The following UBE2G1 variants were observed in gnomAD, a reference collection of about 807,000 sequenced individuals.
UBE2G1 encodes the protein ubiquitin conjugating enzyme E2 G1, also known as ubiquitin-conjugating enzyme E2 G1.
A neutral mutation model predicts 22.7 loss-of-function variants in UBE2G1; 5 were observed. The ratio of observed to expected loss-of-function variants is 0.22; its 90% CI spans 0.12 to 0.46. The LOEUF (loss-of-function observed/expected upper bound fraction) is 0.46, where lower values mean the gene tolerates loss of function less well. Among genes scored for constraint, UBE2G1 ranks in the 20% least tolerant of loss-of-function variants. The probability of loss-of-function intolerance (pLI) is 0.99; values close to 1 mark genes in which losing one functional copy is unlikely to be tolerated. For synonymous variants in UBE2G1, 74 were observed against 67.5 expected (o/e 1.10, Z -0.47); for missense variants, 88 against 203.9 (o/e 0.43, Z 3.46).
At chr17:4,297,367 T>A (rs559721306) in intron 2 of UBE2G1, among the ~76,000 whole-genome samples, 7 of 152,224 alleles carry the variant, frequency 4.6e-5, no homozygotes, top group African/African-American at 1.7e-4. Flanking sequence ...GCAAAAAAAA[T>A]CTCAAGAGTG....
intron 1 of UBE2G1, among the ~76,000 whole-genome samples, chr17:4,309,502 G>A (rs1416615380): frequency 6.6e-6 from 1 of 152,220 alleles, no homozygotes; most frequent in East Asian, 1.9e-4. Flanking sequence ...CATTTTCACT[G>A]TTATTTTGTT....
In UBE2G1 at chr17:4,344,048, T is replaced by C. The variant is rs561519530; in HGVS notation, c.46+22223A>G. ...AAAAACAGGCAAACAAATACAATGG[T>C]ACTCCAACAGGCTTCTAAAACAGCA... On this transcript the variant is annotated intron_variant, in intron 1 of 5. Coordinates refer to ENST00000396981, the MANE Select transcript of UBE2G1 (RefSeq NM_003342.5). 2.6e-5 allele frequency among the ~76,000 whole-genome samples: 4 copies of C among 152,228 alleles called. No individual in the cohort carries two copies. The East Asian group carries it at 7.7e-4, about 29-fold the overall frequency.
At chr17:4,313,138 A>G (rs569698984) in intron 1 of UBE2G1, among the ~76,000 whole-genome samples, 95 of 152,346 alleles carry the variant, frequency 6.2e-4, no homozygotes, top group African/African-American at 2.2e-3. Flanking sequence ...ACAGATATAA[A>G]CAAAGAGGTA....
intron 5 of UBE2G1, among the ~76,000 whole-genome samples, chr17:4,278,349 T>A (rs1968845383): frequency 6.6e-6 from 1 of 152,238 alleles, no homozygotes; most frequent in African/African-American, 2.4e-5. Flanking sequence ...GTGCCCAGTC[T>A]TTTGGCTTCT....
At chr17:4,281,668 T>C (rs562198331) in intron 5 of UBE2G1, among the ~76,000 whole-genome samples, 1 of 152,220 alleles carries the variant, frequency 6.6e-6, no homozygotes, top group Non-Finnish European at 1.5e-5. Flanking sequence ...ACTATTCCGT[T>C]TTCAGAGACA....
intron 2 of UBE2G1, chr17:4,302,413 G>T: frequency 2.0e-6 from 1 of 506,888 alleles, no homozygotes; most frequent in Non-Finnish European, 4.0e-6. Flanking sequence ...GCTTGCCTGT[G>T]CATTTTGGCC....
At position 4,269,983 on chromosome 17, in the gene UBE2G1, C is replaced by G. The variant is rs1471618754; in HGVS notation, c.*2571G>C. On this transcript the variant is annotated 3_prime_UTR_variant, in exon 6 of 6. Coordinates refer to ENST00000396981, the MANE Select transcript of UBE2G1 (RefSeq NM_003342.5). The stretch of plus-strand genomic sequence containing the variant: ...TTAAATTTACATTATCAGATGAACA[C>G]TGAGAAAGGCACAGATGACATCTCC... 2.6e-5 allele frequency: 4 copies of G among 152,548 alleles called. No homozygotes were observed. The highest frequency in any genetic ancestry group is 9.7e-5 in the African/African-American group (4 of 41,408). The allele number at this position is 152,548 out of a possible 1,614,324, so 9.4% of individuals were successfully genotyped here. A position where few individuals can be genotyped will look rare whatever the true frequency, so the allele number is the denominator to read the frequency against.
chr17:4,355,463 G>A (rs1389963983), intron 1 of UBE2G1, among the ~76,000 whole-genome samples: 1 of 147,926 alleles, frequency 6.8e-6, no homozygotes, highest in Non-Finnish European at 1.5e-5. Context: ...CCAGCATGGT[G>A]AAACAACATT....
intron 1 of UBE2G1, among the ~76,000 whole-genome samples, chr17:4,365,331 C>T (rs1394644727): frequency 6.6e-6 from 1 of 152,234 alleles, no homozygotes; most frequent in Non-Finnish European, 1.5e-5. Context: ...CCTTCCACTC[C>T]GCACACGGAC....
chr17:4,294,041 T>C (rs1210889743), intron 3 of UBE2G1, among the ~76,000 whole-genome samples: 1 of 152,180 alleles, frequency 6.6e-6, no homozygotes, highest in Non-Finnish European at 1.5e-5. Flanking sequence ...CATGACAATA[T>C]GTACAGCTTT....
intron 2 of UBE2G1, among the ~76,000 whole-genome samples, chr17:4,304,839 A>T (rs1010174628): frequency 6.6e-6 from 1 of 152,074 alleles, no homozygotes; most frequent in African/African-American, 2.4e-5. Flanking sequence ...TAAGGTGTAT[A>T]TATTCACTTC....
intron 5 of UBE2G1, among the ~76,000 whole-genome samples, chr17:4,275,874 A>G (rs1176244852): frequency 6.6e-6 from 1 of 152,004 alleles, no homozygotes; most frequent in East Asian, 1.9e-4. Context: ...TTTCCCCCAC[A>G]CTGGGACCGT....
intron 2 of UBE2G1, among the ~76,000 whole-genome samples, chr17:4,297,237 G>A (rs896365070): frequency 5.9e-5 from 9 of 151,994 alleles, no homozygotes; most frequent in Non-Finnish European, 1.2e-4. Context: ...CAAAACTTAT[G>A]GACATTTTCT....
In UBE2G1 at chr17:4,366,355, G is replaced by C; in HGVS notation, c.-39C>G. 1 of 1,516,992 alleles carries C rather than the reference G, an allele frequency of 6.6e-7. No homozygotes were observed. Among genetic ancestry groups the C allele is most frequent in the South Asian group, 1.2e-5 (1 of 81,330 alleles). The allele number at this position is 1,516,992 out of a possible 1,614,324, so 94.0% of individuals were successfully genotyped here. ...GGCCCGGGCTGGCGCCGGGGCTTCCGAAGGGCTGGGGACAGGCTCTGGGGG... is the reference window on the plus strand; with the variant it reads ...GGCCCGGGCTGGCGCCGGGGCTTCCCAAGGGCTGGGGACAGGCTCTGGGGG... On this transcript the variant is annotated 5_prime_UTR_variant, in exon 1 of 6. Transcript: ENST00000396981.
At chr17:4,348,577 G>C (rs796507299) in intron 1 of UBE2G1, among the ~76,000 whole-genome samples, 1,747 of 120,996 alleles carry the variant, frequency 0.014, 45 homozygotes, top group African/African-American at 0.055. Context: ...AAAAATTAAA[G>C]AACAGGCCGG....
intron 1 of UBE2G1, among the ~76,000 whole-genome samples, chr17:4,337,335 AAAAG>A (rs1969660325): frequency 4.9e-5 from 3 of 61,262 alleles, no homozygotes; most frequent in Admixed American, 1.7e-4. Context: ...AAAAAAAAAG[AAAAG>A]AAAAGAAAGA....
chr17:4,308,511 C>T (rs1324711180), intron 1 of UBE2G1, among the ~76,000 whole-genome samples: 1 of 152,034 alleles, frequency 6.6e-6, no homozygotes, highest in Non-Finnish European at 1.5e-5. Flanking sequence ...GGTAACAGAG[C>T]AAGACTCCAT....
rs545230501 is a variant in UBE2G1 at position 4,324,301 on chromosome 17, G to A, written c.47-17178C>T. 1.1e-4 allele frequency among the ~76,000 whole-genome samples: 17 copies of A among 152,234 alleles called. No homozygotes were observed. The South Asian group carries it at 3.5e-3, about 32-fold the overall frequency. ...TGTGGCTACTGAGCACCTAAGAAGTGGCTAGTCTTACTTAACATGTGCTGC... is the reference window on the plus strand; with the variant it reads ...TGTGGCTACTGAGCACCTAAGAAGTAGCTAGTCTTACTTAACATGTGCTGC... On this transcript the variant is annotated intron_variant, in intron 1 of 5. Coordinates refer to ENST00000396981, the MANE Select transcript of UBE2G1 (RefSeq NM_003342.5).
chr17:4,289,106 TACACACACACACAC>T (rs71144179), intron 4 of UBE2G1, 110 bp downstream of exon 4: 1 of 515,448 alleles, frequency 1.9e-6, no homozygotes, highest in Non-Finnish European at 3.1e-6. Flanking sequence ...TGGGAAGAGA[TACACACACACACAC>T]ACACACACAC....
Sources: allele counts gnomAD v4.1 joint callset (sites outside exome capture counted in the v4.1 genomes callset), GRCh38; gene constraint gnomAD v4.1.1; transcripts MANE v1.5; gene names NCBI Gene and HGNC (gene_info 2026-07-23, HGNC 2026-07-21).